The following RIC8B variants were observed in gnomAD, a reference collection of about 807,000 sequenced individuals.
The protein encoded by RIC8B is RIC8 guanine nucleotide exchange factor B.
In RIC8B, 16 loss-of-function variants were observed where a neutral mutation model predicts 57.5. The ratio of observed to expected loss-of-function variants is 0.28; its 90% CI spans 0.19 to 0.42. The LOEUF (loss-of-function observed/expected upper bound fraction) is 0.42. Ranked by LOEUF, RIC8B falls within the 10% of genes least tolerant of loss-of-function variation. The probability of loss-of-function intolerance (pLI) is 1.00; values close to 1 mark genes in which losing one functional copy is unlikely to be tolerated. For synonymous variants in RIC8B, 216 were observed against 250.8 expected (o/e 0.86, Z 1.31); for missense variants, 481 against 677.0 (o/e 0.71, Z 3.21).
chr12:106,818,205 C>T (rs1295187314), intron 3 of RIC8B, among the ~76,000 whole-genome samples: 3 of 151,704 alleles, frequency 2.0e-5, no homozygotes, highest in Non-Finnish European at 4.4e-5. Context: ...CTTGCTCTGT[C>T]GCCCAGGCTG....
chr12:106,859,199 C>A (rs543020657), intron 7 of RIC8B, among the ~76,000 whole-genome samples: 1 of 152,238 alleles, frequency 6.6e-6, no homozygotes, highest in South Asian at 2.1e-4. Context: ...CAATTCTTAT[C>A]TTTTGATTAA....
At chr12:106,819,214 A>C (rs2045725930) in intron 3 of RIC8B, among the ~76,000 whole-genome samples, 1 of 152,190 alleles carries the variant, frequency 6.6e-6, no homozygotes, top group Admixed American at 6.5e-5. Context: ...TGTTTCTTTA[A>C]GCCACAAGGT....
intron 9 of RIC8B, among the ~76,000 whole-genome samples, chr12:106,878,167 AAGTT>A (rs1470704757): frequency 2.0e-5 from 3 of 152,070 alleles, no homozygotes; most frequent in Non-Finnish European, 2.9e-5. Flanking sequence ...CATTCCTACC[AAGTT>A]AGTGGCTTAA....
intron 4 of RIC8B, 43 bp downstream of exon 4, chr12:106,825,863 AGTT>A (rs756968053): frequency 4.1e-5 from 55 of 1,351,198 alleles, no homozygotes; most frequent in Admixed American, 1.0e-4. Flanking sequence ...GGACATCATC[AGTT>A]GTTCTTGGTT....
chr12:106,777,060 A>G (rs2043529082), intron 1 of RIC8B, among the ~76,000 whole-genome samples: 1 of 152,180 alleles, frequency 6.6e-6, no homozygotes, highest in South Asian at 2.1e-4. Context: ...ATGGGGTCTC[A>G]CTGTGTTGCC....
At chr12:106,814,548 A>C (rs1171272911) in intron 2 of RIC8B, 148 bp from the exon 3 acceptor site, 9 of 776,632 alleles carry the variant, frequency 1.2e-5, no homozygotes, top group Non-Finnish European at 1.6e-5. Context: ...CTTATATTTC[A>C]GTTTCTAACA....
intron 1 of RIC8B, among the ~76,000 whole-genome samples, chr12:106,777,539 C>G (rs1222964325): frequency 6.6e-6 from 1 of 152,022 alleles, no homozygotes; most frequent in Non-Finnish European, 1.5e-5. Flanking sequence ...GAGACCGGTT[C>G]GTTATTTGGG....
chr12:106,860,801 T>C (rs1949899258), intron 8 of RIC8B, among the ~76,000 whole-genome samples: 1 of 152,140 alleles, frequency 6.6e-6, no homozygotes, highest in African/African-American at 2.4e-5. Context: ...GAAATCTAAA[T>C]GTAGGTTCTG....
intron 3 of RIC8B, among the ~76,000 whole-genome samples, chr12:106,820,357 C>T (rs2136307438): frequency 6.6e-6 from 1 of 152,280 alleles, no homozygotes; most frequent in Non-Finnish European, 1.5e-5. Flanking sequence ...AGCCTTATTT[C>T]CACATGTGGA....
chr12:106,836,365 C>T (rs2046598972), intron 4 of RIC8B, among the ~76,000 whole-genome samples: 2 of 152,148 alleles, frequency 1.3e-5, no homozygotes, highest in Admixed American at 1.3e-4. Context: ...CCTGATCTCC[C>T]TCCCTGAACT....
chr12:106,784,246 C>A (rs1345155798), intron 2 of RIC8B, among the ~76,000 whole-genome samples: 1 of 152,178 alleles, frequency 6.6e-6, no homozygotes, highest in Non-Finnish European at 1.5e-5. Flanking sequence ...TTTGTCCTCG[C>A]AGGACTATTA....
chr12:106,832,598 G>A (rs1183369963), intron 4 of RIC8B, among the ~76,000 whole-genome samples: 1 of 151,916 alleles, frequency 6.6e-6, no homozygotes, highest in African/African-American at 2.4e-5. Context: ...CTTAAAAAGA[G>A]TGAAGATTGT....
At chr12:106,863,017 G>A (rs530977474) in intron 8 of RIC8B, among the ~76,000 whole-genome samples, 3 of 152,196 alleles carry the variant, frequency 2.0e-5, no homozygotes, top group Admixed American at 2.0e-4. Flanking sequence ...GTGTCAAAGG[G>A]AAACCAAATT....
At chr12:106,783,051 A>G (rs2043838833) in intron 1 of RIC8B, among the ~76,000 whole-genome samples, 1 of 152,230 alleles carries the variant, frequency 6.6e-6, no homozygotes, top group South Asian at 2.1e-4. Context: ...GATCATGGGC[A>G]AGCCAACTTA....
intron 8 of RIC8B, among the ~76,000 whole-genome samples, chr12:106,866,770 A>C (rs1490002574): frequency 1.3e-5 from 2 of 152,210 alleles, no homozygotes; most frequent in African/African-American, 4.8e-5. Context: ...CTTCTTTTGA[A>C]AAAATGGAAG....
chr12:106,866,899 T>C (rs971079983), intron 8 of RIC8B, among the ~76,000 whole-genome samples: 9 of 152,182 alleles, frequency 5.9e-5, no homozygotes, highest in African/African-American at 1.9e-4. Flanking sequence ...GTTGATGGAA[T>C]TGAGTAGCTG....
At chr12:106,800,077 C>T (rs1301334746) in intron 2 of RIC8B, among the ~76,000 whole-genome samples, 1 of 152,112 alleles carries the variant, frequency 6.6e-6, no homozygotes, top group African/African-American at 2.4e-5. Flanking sequence ...AACACAAGCT[C>T]TTGGTGTCTC....
chr12:106,784,258 C>T (rs1566031127), intron 2 of RIC8B, among the ~76,000 whole-genome samples: 1 of 152,190 alleles, frequency 6.6e-6, no homozygotes, highest in Non-Finnish European at 1.5e-5. Context: ...GGACTATTAA[C>T]ACTTGTATAA....
Position 106,886,191 on chromosome 12 carries a change from G to T in RIC8B, c.*176G>T. 1 of 585,154 alleles carries T rather than the reference G, an allele frequency of 1.7e-6. No individual in the cohort carries two copies. The highest frequency in any genetic ancestry group is 2.8e-5 in the East Asian group (1 of 35,388). The allele number at this position is 585,154 out of a possible 1,614,324, so 36.2% of individuals were successfully genotyped here. A position where few individuals can be genotyped will look rare whatever the true frequency, so the allele number is the denominator to read the frequency against. On this transcript the variant is annotated 3_prime_UTR_variant, in exon 10 of 10. Coordinates refer to ENST00000392837, the MANE Select transcript of RIC8B (RefSeq NM_001330145.2). ...GTGACCCTGTGTTTTTTGTGATATT[G>T]AGGCATTCATACAGAGCTGCAGTTA...
Sources: allele counts gnomAD v4.1 joint callset (sites outside exome capture counted in the v4.1 genomes callset), GRCh38; gene constraint gnomAD v4.1.1; transcripts MANE v1.5; gene names NCBI Gene and HGNC (gene_info 2026-07-23, HGNC 2026-07-21).